Variants in EYS observed in about 807,000 individuals in gnomAD.
EYS encodes protein eyes shut homolog.
In EYS, 250 loss-of-function variants were observed where a neutral mutation model predicts 282.1. That is an observed-to-expected ratio of 0.89 (90% CI 0.80 to 0.98). The LOEUF (loss-of-function observed/expected upper bound fraction) is 0.98. EYS is among the 50% of genes least tolerant of loss of function. The probability of loss-of-function intolerance (pLI) is 0.00; values close to 1 mark genes in which losing one functional copy is unlikely to be tolerated. For missense variants in EYS, 4,016 were observed against 3,709.0 expected, an observed-to-expected ratio of 1.08 and a Z score of -2.15; for synonymous variants, 1,355 against 1,282.9, an observed-to-expected ratio of 1.06 and a Z score of -1.20.
rs534009741 is a variant in EYS, at chr6:65,689,970, A to G, written c.-448+17165T>C. Among the ~76,000 whole-genome samples, 87 of 150,028 alleles carry G rather than the reference A, an allele frequency of 5.8e-4. 2 individuals carry two copies. Among genetic ancestry groups the G allele is most frequent in the African/African-American group, 2.0e-3 (82 of 41,216 alleles). On this transcript the variant is annotated intron_variant, in intron 1 of 42. Transcript: ENST00000503581. Reference sequence around the variant, plus strand: ...CCGCAGTACCAACAATGCACTGGATATACCAGCATTTATTACTAAGTTTAG... The same window carrying G: ...CCGCAGTACCAACAATGCACTGGATGTACCAGCATTTATTACTAAGTTTAG...
At chr6:64,855,762 C>T (rs1033569256) in intron 19 of EYS, among the ~76,000 whole-genome samples, 2 of 152,138 alleles carry the variant, frequency 1.3e-5, no homozygotes, top group Non-Finnish European at 2.9e-5. Flanking sequence ...CTCAAAATCC[C>T]ATGTGCTTTA....
intron 41 of EYS, chr6:63,742,024 C>T (rs1582161673): frequency 1.4e-6 from 1 of 700,142 alleles, no homozygotes; most frequent in African/African-American, 1.7e-5. Flanking sequence ...ATTTGTGGCT[C>T]TTTATCAGCA....
intron 36 of EYS, among the ~76,000 whole-genome samples, chr6:63,849,883 C>T (rs1016206055): frequency 6.6e-6 from 1 of 152,076 alleles, no homozygotes; most frequent in Admixed American, 6.6e-5. Flanking sequence ...CTCGTCTGAG[C>T]TAAAGGAGCA....
intron 26 of EYS, among the ~76,000 whole-genome samples, chr6:64,463,973 A>G (rs1286099954): frequency 6.6e-6 from 1 of 152,222 alleles, no homozygotes; most frequent in African/African-American, 2.4e-5. Context: ...TATCAAAGCC[A>G]GATAAGGTCA....
intron 22 of EYS, among the ~76,000 whole-genome samples, chr6:64,770,252 G>A (rs1773484468): frequency 6.6e-6 from 1 of 151,860 alleles, no homozygotes; most frequent in Middle Eastern, 3.2e-3. Flanking sequence ...CAGGTGGAAA[G>A]GATATGTATA....
intron 1 of EYS, among the ~76,000 whole-genome samples, chr6:65,656,104 C>G (rs988260065): frequency 6.6e-6 from 1 of 151,752 alleles, no homozygotes; most frequent in African/African-American, 2.4e-5. Flanking sequence ...CATATAAGAT[C>G]ACAAACCTAA....
chr6:65,369,485 A>T (rs894673677), intron 8 of EYS, among the ~76,000 whole-genome samples: 3 of 151,024 alleles, frequency 2.0e-5, no homozygotes, highest in Non-Finnish European at 4.4e-5. Flanking sequence ...CCCAATCTGG[A>T]ATCTATCTCC....
At chr6:65,409,997 A>T (rs144215937) in intron 5 of EYS, among the ~76,000 whole-genome samples, 1 of 152,226 alleles carries the variant, frequency 6.6e-6, no homozygotes, top group Non-Finnish European at 1.5e-5. Context: ...TACAAAGAGT[A>T]AATATGTATT....
chr6:64,933,391 C>A (rs2150088390), intron 15 of EYS, among the ~76,000 whole-genome samples: 1 of 152,228 alleles, frequency 6.6e-6, no homozygotes, highest in African/African-American at 2.4e-5. Flanking sequence ...AAAAGCTTAT[C>A]ATCACCGGTC....
At chr6:64,907,078 G>C (rs1767852079) in intron 16 of EYS, among the ~76,000 whole-genome samples, 1 of 152,000 alleles carries the variant, frequency 6.6e-6, no homozygotes, top group African/African-American at 2.4e-5. Flanking sequence ...TTAGAGACAA[G>C]GTCCTGCTCT....
At chr6:64,397,476 T>C (rs377717432) in intron 28 of EYS, among the ~76,000 whole-genome samples, 1 of 152,196 alleles carries the variant, frequency 6.6e-6, no homozygotes. Flanking sequence ...TACATGTATT[T>C]AGTTGATATA....
intron 8 of EYS, among the ~76,000 whole-genome samples, chr6:65,374,794 A>G (rs916433263): frequency 6.6e-6 from 1 of 152,146 alleles, no homozygotes; most frequent in Non-Finnish European, 1.5e-5. Context: ...AACGCATCAC[A>G]GCACAGCAAA....
intron 31 of EYS, among the ~76,000 whole-genome samples, chr6:64,119,946 G>C (rs1773520336): frequency 6.6e-6 from 1 of 151,992 alleles, no homozygotes; most frequent in Non-Finnish European, 1.5e-5. Flanking sequence ...TTTGAACTTA[G>C]TTTCCAAAAA....
chr6:64,917,179 G>T (rs770197981), intron 15 of EYS, among the ~76,000 whole-genome samples: 2 of 151,968 alleles, frequency 1.3e-5, no homozygotes, highest in Non-Finnish European at 2.9e-5. Flanking sequence ...AACCTGGGTG[G>T]CGGAGGCTGC....
intron 22 of EYS, among the ~76,000 whole-genome samples, chr6:64,727,507 CAT>C (rs1176293994): frequency 6.6e-6 from 1 of 152,034 alleles, no homozygotes; most frequent in African/African-American, 2.4e-5. Context: ...TCAGGGAACA[CAT>C]GTTATTGAAG....
intron 10 of EYS, among the ~76,000 whole-genome samples, chr6:65,338,033 C>CA (rs1411794656): frequency 4.0e-5 from 6 of 151,058 alleles, no homozygotes. Flanking sequence ...GGCTATACCT[C>CA]AAAAACCACA....
intron 35 of EYS, among the ~76,000 whole-genome samples, chr6:63,866,017 A>G (rs1772662961): frequency 6.6e-6 from 1 of 152,184 alleles, no homozygotes; most frequent in Admixed American, 6.6e-5. Context: ...AGCATTCTAC[A>G]CATTGCAGAC....
chr6:63,885,322 T>C (rs187891651), intron 35 of EYS, among the ~76,000 whole-genome samples: 14 of 152,310 alleles, frequency 9.2e-5, no homozygotes, highest in African/African-American at 3.4e-4. Context: ...GTCCCATAGC[T>C]GCTCCATGAA....
At chr6:64,391,587 T>A (rs1773148444) in intron 28 of EYS, among the ~76,000 whole-genome samples, 1 of 151,998 alleles carries the variant, frequency 6.6e-6, no homozygotes, top group Non-Finnish European at 1.5e-5. Context: ...AGAGATTTTG[T>A]CACCACCAGG....
Sources: allele counts gnomAD v4.1 joint callset (sites outside exome capture counted in the v4.1 genomes callset), GRCh38; gene constraint gnomAD v4.1.1; transcripts MANE v1.5; gene names NCBI Gene and HGNC (gene_info 2026-07-23, HGNC 2026-07-21).